Variants in NPEPL1 observed in about 807,000 individuals in gnomAD.
NPEPL1 encodes the protein probable aminopeptidase NPEPL1.
In NPEPL1, 45 loss-of-function variants were observed where a neutral mutation model predicts 52.4. That is an observed-to-expected ratio of 0.86 (90% CI 0.68 to 1.10). The LOEUF (loss-of-function observed/expected upper bound fraction) is 1.10, where lower values mean the gene tolerates loss of function less well. Among genes scored for constraint, NPEPL1 ranks in the 50% least tolerant of loss-of-function variants. The pLI is 0.00. For missense variants in NPEPL1, 696 were observed against 710.9 expected, an observed-to-expected ratio of 0.98 and a Z score of 0.24; for synonymous variants, 360 against 314.7, an observed-to-expected ratio of 1.14 and a Z score of -1.52.
Position 58,694,465 on chromosome 20 carries a change from T to C in NPEPL1, c.380T>C (p.Leu127Pro), listed in dbSNP as rs770786068. ...GAGGTCTTTGCTTCCGCCTGTGCCC[T>C]GGCCCGGGCCTTCCCGCTGTTCACC... ...QPEVFASACA[L>P]ARAFPLFTHR... is the part of the protein sequence containing the mutation. The change falls in exon 3 of 12, where the codon CTG becomes CCG. Residue 127 changes from leucine to proline, a missense_variant. Coordinates refer to ENST00000356091, the MANE Select transcript of NPEPL1 (RefSeq NM_024663.4). 2.5e-6 allele frequency: 4 copies of C among 1,613,760 alleles called. No individual in the cohort carries two copies. In the Admixed American group the frequency reaches 6.7e-5, roughly 27 times the overall value.
In NPEPL1 at chr20:58,714,095, T is replaced by C; in HGVS notation, c.1302+2T>C. The stretch of plus-strand genomic sequence containing the variant: ...GCGGACATGAAGAACTCAGTGGCGG[T>C]AGGTTTGGAGCCTCGAACCTGGAGC... On this transcript the variant is annotated splice_donor_variant, in intron 10 of 11. Coordinates refer to ENST00000356091, the MANE Select transcript of NPEPL1 (RefSeq NM_024663.4). LOFTEE classifies it high-confidence loss of function. The C allele has an allele frequency of 6.5e-7, 1 of 1,543,602 alleles. No individual in the cohort carries two copies. Among genetic ancestry groups the C allele is most frequent in the Non-Finnish European group, 8.7e-7 (1 of 1,145,866 alleles).
At chr20:58,694,662 G>A in intron 3 of NPEPL1, 70 bp downstream of exon 3, 1 of 1,467,220 alleles carries the variant, frequency 6.8e-7, no homozygotes, top group Non-Finnish European at 9.1e-7. Flanking sequence ...GGGAGGTCGG[G>A]AGAGGGAAAA....
chr20:58,698,438 G>A (rs140242235), intron 3 of NPEPL1, among the ~76,000 whole-genome samples: 1 of 152,158 alleles, frequency 6.6e-6, no homozygotes, highest in East Asian at 1.9e-4. Context: ...GGGGACTCCT[G>A]TATATTTGTG....
At chr20:58,703,369 G>A (rs1230525108) in intron 6 of NPEPL1, 3 of 626,902 alleles carry the variant, frequency 4.8e-6, no homozygotes, top group Non-Finnish European at 6.0e-6. Flanking sequence ...GCACACGGTG[G>A]TAATAAGCAA....
At chr20:58,697,294 G>A (rs539332724) in intron 3 of NPEPL1, among the ~76,000 whole-genome samples, 1 of 152,318 alleles carries the variant, frequency 6.6e-6, no homozygotes, top group African/African-American at 2.4e-5. Context: ...TCAGAGCCCC[G>A]AGCTCGCCGT....
At chr20:58,703,350 G>C in intron 6 of NPEPL1, 1 of 472,432 alleles carries the variant, frequency 2.1e-6, no homozygotes, top group Non-Finnish European at 2.8e-6. Flanking sequence ...ACTTTGTTCA[G>C]AGATACCGGC....
upstream of NPEPL1, chr20:58,691,699 T>TG: frequency 2.5e-6 from 1 of 405,902 alleles, no homozygotes; most frequent in East Asian, 4.6e-5. Context: ...TTTTCTTTTT[T>TG]TTTTTTTTTT....
chr20:58,691,130 G>C, upstream of NPEPL1: 1 of 703,218 alleles, frequency 1.4e-6, no homozygotes, highest in Non-Finnish European at 2.6e-6. Flanking sequence ...TCACCCTCTA[G>C]GAAGATCCTC....
upstream of NPEPL1, among the ~76,000 whole-genome samples, chr20:58,692,424 TGCTAAGGGA>T (rs760880140): frequency 2.0e-5 from 3 of 152,156 alleles, no homozygotes; most frequent in Non-Finnish European, 2.9e-5. The surrounding 1 kb of genome is among the most constrained non-coding windows in gnomAD (Gnocchi z 5.7). Context: ...CAAAAGCAGC[TGCTAAGGGA>T]CCTCGGGGGA....
rs1442948692 is a variant in NPEPL1 at position 58,715,406 on chromosome 20, C to T, written c.*80C>T. 3.6e-6 allele frequency: 5 copies of T among 1,371,332 alleles called. No individual in the cohort carries two copies. Among genetic ancestry groups the T allele is most frequent in the Non-Finnish European group, 4.8e-6 (5 of 1,034,840 alleles). The allele number at this position is 1,371,332 out of a possible 1,614,324, so 84.9% of individuals were successfully genotyped here. A position where few individuals can be genotyped will look rare whatever the true frequency, so the allele number is the denominator to read the frequency against. On this transcript the variant is annotated 3_prime_UTR_variant, in exon 12 of 12. Coordinates refer to ENST00000356091, the MANE Select transcript of NPEPL1 (RefSeq NM_024663.4). ...TAATTTTAAGCAATTGAAAGATTGC[C>T]CTTCATATGGGTTTTGGTTTGTCTT...
At position 58,699,265 on chromosome 20, in the gene NPEPL1, G is replaced by A. The variant is rs41296213; in HGVS notation, c.666G>A (p.Thr222=). 2,316 of 1,606,392 alleles carry A rather than the reference G, an allele frequency of 1.4e-3. 2 individuals carry two copies. Among genetic ancestry groups the A allele is most frequent in the Non-Finnish European group, 1.8e-3 (2,172 of 1,176,346 alleles). Residue 222 remains threonine (T), a synonymous_variant, in exon 5 of 12, where the codon ACG becomes ACA. Coordinates refer to ENST00000356091, the MANE Select transcript of NPEPL1 (RefSeq NM_024663.4). ...TCATCCGGGATGAGGAACTGAAGAC[G>A]AGAGGATTTGGAGGTGGGTGGGGGC... ...PTIIRDEELK[T]RGFGGIYGVG... is the part of the protein sequence containing the mutation.
At chr20:58,691,212 G>A (rs1173137997), upstream of NPEPL1, 1 of 702,604 alleles carries the variant, frequency 1.4e-6, no homozygotes, top group Non-Finnish European at 2.6e-6. Context: ...AAGAGTGAGA[G>A]ATCTTCATAC....
At chr20:58,694,697 T>G (rs1601093244) in intron 3 of NPEPL1, 105 bp downstream of exon 3, 8 of 1,151,358 alleles carry the variant, frequency 6.9e-6, no homozygotes, top group Non-Finnish European at 8.4e-6. Context: ...CAGGAGGGGG[T>G]TCCTGCCCTT....
intron 6 of NPEPL1, among the ~76,000 whole-genome samples, chr20:58,701,998 C>T (rs2084636112): frequency 1.3e-5 from 2 of 152,202 alleles, no homozygotes; most frequent in Admixed American, 1.3e-4. Flanking sequence ...GTGTGAGCAG[C>T]CTCTGTGCTC....
At chr20:58,700,972 A>G (rs748361925) in intron 5 of NPEPL1, 44 bp from the exon 6 acceptor site, 1 of 1,433,714 alleles carries the variant, frequency 7.0e-7, no homozygotes, top group Non-Finnish European at 9.2e-7. Flanking sequence ...TTCCCCGCTC[A>G]GCTCAGCCCG....
intron 6 of NPEPL1, chr20:58,704,538 A>G (rs1303824465): frequency 2.0e-5 from 6 of 305,752 alleles, no homozygotes; most frequent in Non-Finnish European, 1.9e-5. Flanking sequence ...AAATAATTTT[A>G]TGAAGATAAG....
chr20:58,694,688 A>T, intron 3 of NPEPL1, 96 bp downstream of exon 3: 1 of 1,309,442 alleles, frequency 7.6e-7, no homozygotes, highest in Non-Finnish European at 1.0e-6. Flanking sequence ...TTGCGGGGGC[A>T]GGAGGGGGTT....
chr20:58,707,607 A>G (rs2084762213), intron 7 of NPEPL1, among the ~76,000 whole-genome samples: 1 of 151,518 alleles, frequency 6.6e-6, no homozygotes, highest in Non-Finnish European at 1.5e-5. Context: ...GGTCTCACCA[A>G]GTCACCACCT....
At chr20:58,709,882 C>G (rs117468885) in intron 7 of NPEPL1, among the ~76,000 whole-genome samples, 3,646 of 152,224 alleles carry the variant, frequency 0.024, 56 homozygotes, top group Non-Finnish European at 0.036. Context: ...CTGATCTGGA[C>G]GTCTGAGGAG....
Sources: allele counts gnomAD v4.1 joint callset (sites outside exome capture counted in the v4.1 genomes callset), GRCh38; gene constraint gnomAD v4.1.1; non-coding constraint Gnocchi (gnomAD v3.1); transcripts MANE v1.5; gene names NCBI Gene and HGNC (gene_info 2026-07-23, HGNC 2026-07-21).